The following CIMIP5 variants were observed in gnomAD, a reference collection of about 807,000 sequenced individuals.
CIMIP5 encodes uncharacterized protein C2orf50.
the CIMIP5 span, among the ~76,000 whole-genome samples, chr2:11,153,624 C>T: frequency 2.0e-5 from 3 of 152,338 alleles, no homozygotes; most frequent in South Asian, 2.1e-4. Context: ...TCTAGATGTT[C>T]CTATAGTCAT....
the CIMIP5 span, among the ~76,000 whole-genome samples, chr2:11,149,881 T>TG: frequency 6.6e-6 from 1 of 152,196 alleles, no homozygotes; most frequent in Admixed American, 6.5e-5. Context: ...AACACCATTG[T>TG]ATCAGTGAGA....
the CIMIP5 span, among the ~76,000 whole-genome samples, chr2:11,147,967 C>T: frequency 6.6e-6 from 1 of 152,126 alleles, no homozygotes; most frequent in East Asian, 1.9e-4. Flanking sequence ...GGCACCAAGC[C>T]TGCAGGGTCA....
chr2:11,151,613 G>T, the CIMIP5 span, among the ~76,000 whole-genome samples: 1 of 152,228 alleles, frequency 6.6e-6, no homozygotes, highest in Non-Finnish European at 1.5e-5. Flanking sequence ...TTCGGGGATG[G>T]AAGTGTTTTT....
chr2:11,151,234 A>G, the CIMIP5 span, among the ~76,000 whole-genome samples: 1 of 152,188 alleles, frequency 6.6e-6, no homozygotes, highest in Admixed American at 6.6e-5. Context: ...TCTCCCTAAA[A>G]TGCACAAAAG....
At chr2:11,143,568 C>CA in the CIMIP5 span, among the ~76,000 whole-genome samples, 2,238 of 104,476 alleles carry the variant, frequency 0.021, 37 homozygotes, top group African/African-American at 0.053. Context: ...ACAAATTTAC[C>CA]AAAAAAAAAA....
chr2:11,138,011 A>G, the CIMIP5 span, among the ~76,000 whole-genome samples: 1 of 151,864 alleles, frequency 6.6e-6, no homozygotes, highest in South Asian at 2.1e-4. Context: ...ACGCCCGGCT[A>G]ATTTTTGTAT....
the CIMIP5 span, chr2:11,133,455 G>A: frequency 6.2e-7 from 1 of 1,610,010 alleles, no homozygotes; most frequent in Non-Finnish European, 8.5e-7. Flanking sequence ...GGCCAGCAGG[G>A]GTCTTGCTGG....
chr2:11,147,442 C>T, the CIMIP5 span, among the ~76,000 whole-genome samples: 132 of 152,272 alleles, frequency 8.7e-4, 1 homozygote, highest in Admixed American at 7.2e-4. Context: ...TTACAGAGTG[C>T]ATTAGTCAGC....
the CIMIP5 span, chr2:11,133,557 C>A: frequency 6.2e-7 from 1 of 1,604,978 alleles, no homozygotes. Flanking sequence ...GTGGCGGGAG[C>A]TCCTGGAGGC....
the CIMIP5 span, among the ~76,000 whole-genome samples, chr2:11,154,038 G>A: frequency 6.6e-6 from 1 of 151,970 alleles, no homozygotes; most frequent in African/African-American, 2.4e-5. Context: ...GTGAAGTGGC[G>A]CGATCTCGAC....
chr2:11,140,656 G>T, the CIMIP5 span: 1 of 789,082 alleles, frequency 1.3e-6, no homozygotes, highest in Non-Finnish European at 2.0e-6. Context: ...CCAGATACTG[G>T]ATGTGCAGCG....
At chr2:11,136,338 CA>C in the CIMIP5 span, among the ~76,000 whole-genome samples, 4 of 152,244 alleles carry the variant, frequency 2.6e-5, no homozygotes, top group East Asian at 3.9e-4. Context: ...AGTGAAAAGG[CA>C]ACTTACAGAA....
At chr2:11,139,660 C>T in the CIMIP5 span, among the ~76,000 whole-genome samples, 4 of 152,198 alleles carry the variant, frequency 2.6e-5, no homozygotes, top group Non-Finnish European at 5.9e-5. Context: ...CTTTGCTTTC[C>T]TTAGGCAGCC....
the CIMIP5 span, among the ~76,000 whole-genome samples, chr2:11,135,769 C>G: frequency 1.3e-5 from 2 of 151,910 alleles, no homozygotes; most frequent in Middle Eastern, 3.4e-3. Flanking sequence ...TCTTGAACTC[C>G]TGACCACAGA....
the CIMIP5 span, chr2:11,146,037 G>A: frequency 2.6e-5 from 4 of 152,156 alleles, no homozygotes; most frequent in African/African-American, 9.7e-5. Context: ...TTAATGCCAG[G>A]CCTCAAGCTT....
the CIMIP5 span, among the ~76,000 whole-genome samples, chr2:11,151,617 T>C: frequency 6.6e-6 from 1 of 152,170 alleles, no homozygotes; most frequent in Non-Finnish European, 1.5e-5. Flanking sequence ...GGGATGGAAG[T>C]GTTTTTGTTT....
At chr2:11,150,249 G>C in the CIMIP5 span, among the ~76,000 whole-genome samples, 1 of 151,878 alleles carries the variant, frequency 6.6e-6, no homozygotes, top group East Asian at 1.9e-4. Flanking sequence ...GAAAGCCCTT[G>C]TTCTTAGGAG....
At chr2:11,133,868 T>G in the CIMIP5 span, among the ~76,000 whole-genome samples, 1 of 152,126 alleles carries the variant, frequency 6.6e-6, no homozygotes, top group Non-Finnish European at 1.5e-5. Context: ...TCCCTTGAGC[T>G]GGAGCCTGCT....
chr2:11,138,554 G>C, the CIMIP5 span, among the ~76,000 whole-genome samples: 1 of 152,168 alleles, frequency 6.6e-6, no homozygotes, highest in Non-Finnish European at 1.5e-5. Context: ...ATATGGTGTG[G>C]ATCTGTGTCC....
Sources: gnomAD v4.1 joint callset for allele counts (sites outside exome capture counted in the v4.1 genomes callset) on GRCh38, gnomAD v4.1.1 for gene constraint, MANE v1.5 for transcripts, NCBI Gene and HGNC (gene_info 2026-07-23, HGNC 2026-07-21) for gene names.